The following PHACTR2 variants were observed in gnomAD, a reference collection of about 807,000 sequenced individuals.
PHACTR2 encodes the protein phosphatase and actin regulator 2, also known as chromosome 6 open reading frame 56.
PHACTR2 carries 30 observed loss-of-function variants against 76.0 expected under a neutral mutation model. The ratio of observed to expected loss-of-function variants is 0.39; its 90% confidence interval spans 0.30 to 0.54. The LOEUF is 0.54. PHACTR2 is among the 20% of genes least tolerant of loss of function. The probability of loss-of-function intolerance (pLI) is 0.61; values close to 1 mark genes in which losing one functional copy is unlikely to be tolerated. For synonymous variants in PHACTR2, 292 were observed against 292.5 expected (o/e 1.00, Z 0.02); for missense variants, 696 against 781.1 (o/e 0.89, Z 1.30).
At chr6:143,668,128 A>G (rs1777076824) in intron 1 of PHACTR2, among the ~76,000 whole-genome samples, 1 of 152,216 alleles carries the variant, frequency 6.6e-6, no homozygotes, top group Non-Finnish European at 1.5e-5. Flanking sequence ...ATCTATTGAG[A>G]TAATCATGTG....
At chr6:143,586,441 G>A (rs1775630202) in intron 1 of PHACTR2, among the ~76,000 whole-genome samples, 1 of 152,178 alleles carries the variant, frequency 6.6e-6, no homozygotes, top group African/African-American at 2.4e-5. Context: ...TTGATGCAGA[G>A]CAGGCAAGTC....
rs1037498395 is a variant in PHACTR2, at chr6:143,806,575, C to T, written c.1846-482C>T. 1.3e-5 allele frequency among the ~76,000 whole-genome samples: 2 copies of T among 152,194 alleles called. No individual in the cohort carries two copies. Among genetic ancestry groups the T allele is most frequent in the African/African-American group, 2.4e-5 (1 of 41,438 alleles). On this transcript the variant is annotated intron_variant, in intron 11 of 12. Coordinates refer to ENST00000440869, the MANE Select transcript of PHACTR2 (RefSeq NM_001100164.2). This position sits in a 1 kb window ranked among gnomAD's most constrained non-coding sequence, Gnocchi z 5.8. Reference sequence around the variant, plus strand: ...GATGAGTTTAGCAAAGGCCCGCTCCCACTCCCTCTTGCCAATGGCACTTGA... The same window carrying T: ...GATGAGTTTAGCAAAGGCCCGCTCCTACTCCCTCTTGCCAATGGCACTTGA...
chr6:143,568,856 T>C (rs931958462), intron 1 of PHACTR2, among the ~76,000 whole-genome samples: 3 of 152,220 alleles, frequency 2.0e-5, no homozygotes, highest in Admixed American at 2.0e-4. Context: ...TATTATTTAC[T>C]TTCCTCTTAT....
At position 143,571,354 on chromosome 6, in the gene PHACTR2, T is replaced by C. The variant is rs79372200; in HGVS notation, c.217+34147T>C. ...GCTATTTATTCATTCAGTTATTTAT[T>C]TGTATTAGTGTGGTCTCATGGATAT... On this transcript the variant is annotated intron_variant, in intron 1 of 11. Coordinates refer to the PHACTR2 transcript ENST00000367584. The surrounding 1 kb of genome is among the most constrained non-coding windows in gnomAD (Gnocchi z 4.6). 4.6e-4 allele frequency among the ~76,000 whole-genome samples: 70 copies of C among 152,364 alleles called. No homozygotes were observed. Among genetic ancestry groups the C allele is most frequent in the Non-Finnish European group, 8.1e-4 (55 of 68,046 alleles).
At chr6:143,682,403 A>G (rs546737443) in intron 1 of PHACTR2, among the ~76,000 whole-genome samples, 1 of 152,134 alleles carries the variant, frequency 6.6e-6, no homozygotes, top group East Asian at 1.9e-4. Context: ...GTTGGTAGAG[A>G]TGGGGTTTTC....
chr6:143,650,740 T>C (rs996509927), intron 1 of PHACTR2, among the ~76,000 whole-genome samples: 18 of 151,914 alleles, frequency 1.2e-4, no homozygotes, highest in African/African-American at 3.9e-4. Flanking sequence ...TAGAAGAAAG[T>C]CTAGGCAATA....
intron 11 of PHACTR2, among the ~76,000 whole-genome samples, chr6:143,797,930 T>C (rs1460897938): frequency 2.6e-5 from 4 of 152,218 alleles, no homozygotes; most frequent in African/African-American, 9.7e-5. Context: ...TCCAATTCTG[T>C]GAAGAAAGTC....
At position 143,776,608 on chromosome 6, in the gene PHACTR2, C is replaced by T. The variant is rs1775277773; in HGVS notation, c.1590-720C>T. Among the ~76,000 whole-genome samples the T allele has an allele frequency of 6.6e-6, 1 of 152,000 alleles. No individual in the cohort carries two copies. Among genetic ancestry groups the T allele is most frequent in the African/African-American group, 2.4e-5 (1 of 41,388 alleles). ...TGTGTAATGGGGGTCAGTGAGCAGC[C>T]TCAGCCATGATCTGTAGGCCCACAC... On this transcript the variant is annotated intron_variant, in intron 8 of 12. Transcript: ENST00000440869. This position sits in a 1 kb window ranked among gnomAD's most constrained non-coding sequence, Gnocchi z 5.3.
At position 143,816,666 on chromosome 6, in the gene PHACTR2, G is replaced by GGGCA. The variant is rs1776302474; in HGVS notation, c.1923-7007_1923-7004dup. Among the ~76,000 whole-genome samples, 2 of 151,810 alleles carry GGGCA rather than the reference G, an allele frequency of 1.3e-5. No homozygotes were observed. The highest frequency in any genetic ancestry group is 1.3e-4 in the Admixed American group (2 of 15,224). On this transcript the variant is annotated intron_variant, in intron 12 of 12. Coordinates refer to ENST00000440869, the MANE Select transcript of PHACTR2 (RefSeq NM_001100164.2). This position sits in a 1 kb window ranked among gnomAD's most constrained non-coding sequence, Gnocchi z 4.5. The stretch of plus-strand genomic sequence containing the variant: ...GAACTCACTGTGTACTGCGATCCAT[G>GGGCA]GGCAAATGGTGTGTGCAGGAAAAAA...
intron 2 of PHACTR2, among the ~76,000 whole-genome samples, chr6:143,724,421 C>T (rs1328645009): frequency 1.3e-5 from 2 of 152,168 alleles, no homozygotes; most frequent in Non-Finnish European, 2.9e-5. Flanking sequence ...CATGAGCCAC[C>T]GCGCCCAGCC....
rs1775166483 is a variant in PHACTR2, at chr6:143,772,153, A to G, written c.1233-105A>G. 3.9e-6 allele frequency: 3 copies of G among 761,948 alleles called. No homozygotes were observed. Among genetic ancestry groups the G allele is most frequent in the Non-Finnish European group, 7.0e-6 (3 of 429,794 alleles). The allele number at this position is 761,948 out of a possible 1,614,324, so 47.2% of individuals were successfully genotyped here. A position where few individuals can be genotyped will look rare whatever the true frequency, so the allele number is the denominator to read the frequency against. On this transcript the variant is annotated intron_variant, in intron 6 of 12. Coordinates refer to ENST00000440869, the MANE Select transcript of PHACTR2 (RefSeq NM_001100164.2). This position sits in a 1 kb window ranked among gnomAD's most constrained non-coding sequence, Gnocchi z 5.4. ...CCTATGTCAAGTGTCTGCTTTCCTC[A>G]GCCTGAAGGAAGCCCATGAAACTAG...
intron 10 of PHACTR2, among the ~76,000 whole-genome samples, chr6:143,788,525 T>A (rs1290398955): frequency 6.6e-6 from 1 of 152,178 alleles, no homozygotes; most frequent in Non-Finnish European, 1.5e-5. Flanking sequence ...GAAAATAGCA[T>A]AATGCAGGTG....
At position 143,789,961 on chromosome 6, in the gene PHACTR2, A is replaced by C. The variant is rs1020020598; in HGVS notation, c.1845+1051A>C. ...ATGTTTTAGGAAGAAGCAGCAGAAG[A>C]ATATTGAGAAGAAATGTCCGTGAAG... On this transcript the variant is annotated intron_variant, in intron 11 of 12. Coordinates refer to ENST00000440869, the MANE Select transcript of PHACTR2 (RefSeq NM_001100164.2). The surrounding 1 kb of genome is among the most constrained non-coding windows in gnomAD (Gnocchi z 5.1). Among the ~76,000 whole-genome samples, 1 of 152,202 alleles carries C rather than the reference A, an allele frequency of 6.6e-6. No individual in the cohort carries two copies. The highest frequency in any genetic ancestry group is 1.5e-5 in the Non-Finnish European group (1 of 68,044).
rs1171345450 is a variant in PHACTR2, at chr6:143,818,172, T to TTTTA, written c.1923-5502_1923-5501insTTTA. Among the ~76,000 whole-genome samples the TTTTA allele has an allele frequency of 1.3e-5, 2 of 152,214 alleles. No homozygotes were observed. The highest frequency in any genetic ancestry group is 2.9e-5 in the Non-Finnish European group (2 of 68,038). On this transcript the variant is annotated intron_variant, in intron 12 of 12. Transcript: ENST00000440869. The surrounding 1 kb of genome is among the most constrained non-coding windows in gnomAD (Gnocchi z 4.9). ...AAATTTAAATAAAATTTGATTAAAA[T>TTTTA]GGACAGAGGTAGAAATTCAGATGAT...
In PHACTR2 at chr6:143,624,605, G is replaced by T. The variant is rs901829407; in HGVS notation, c.13+16283G>T. On this transcript the variant is annotated intron_variant, in intron 1 of 11. Coordinates refer to the PHACTR2 transcript ENST00000305766. The surrounding 1 kb of genome is among the most constrained non-coding windows in gnomAD (Gnocchi z 4.6). ...TTGTGGGAAGCAGTTTATTTTCATG[G>T]TATGCGGCTTTTTTCACATGGCTAA... 6.6e-6 allele frequency among the ~76,000 whole-genome samples: 1 copy of T among 152,082 alleles called. No homozygotes were observed. The highest frequency in any genetic ancestry group is 2.4e-5 in the African/African-American group (1 of 41,418).
intron 2 of PHACTR2, among the ~76,000 whole-genome samples, chr6:143,744,246 G>C (rs932547659): frequency 4.6e-5 from 7 of 152,160 alleles, no homozygotes; most frequent in African/African-American, 9.7e-5. Flanking sequence ...TGTCGCTCAG[G>C]GTTTTGCCAC....
chr6:143,587,078 AG>A (rs1775638385), intron 1 of PHACTR2, among the ~76,000 whole-genome samples: 1 of 152,350 alleles, frequency 6.6e-6, no homozygotes, highest in African/African-American at 2.4e-5. Flanking sequence ...AAAAAGGTAC[AG>A]CTCACTACCA....
chr6:143,591,567 A>G lies in PHACTR2; in HGVS notation c.217+54360A>G, dbSNP rs957340791. 1.3e-5 allele frequency among the ~76,000 whole-genome samples: 2 copies of G among 152,198 alleles called. No individual in the cohort carries two copies. Among genetic ancestry groups the G allele is most frequent in the African/African-American group, 4.8e-5 (2 of 41,462 alleles). On this transcript the variant is annotated intron_variant, in intron 1 of 11. Transcript: ENST00000367584. The surrounding 1 kb of genome is among the most constrained non-coding windows in gnomAD (Gnocchi z 6.4). Reference sequence around the variant, plus strand: ...ACAGCCCAGAGAGGCCGCAGACCTGAGGCTGCTGTGAGTTCAGGAAGGAGG... The same window carrying G: ...ACAGCCCAGAGAGGCCGCAGACCTGGGGCTGCTGTGAGTTCAGGAAGGAGG...
intron 1 of PHACTR2, among the ~76,000 whole-genome samples, chr6:143,587,412 A>G (rs1334075215): frequency 6.6e-6 from 1 of 152,192 alleles, no homozygotes; most frequent in African/African-American, 2.4e-5. Flanking sequence ...AATGTTGTAA[A>G]TAGAATAATG....
Sources: allele counts gnomAD v4.1 joint callset (sites outside exome capture counted in the v4.1 genomes callset), GRCh38; gene constraint gnomAD v4.1.1; non-coding constraint Gnocchi (gnomAD v3.1); transcripts MANE v1.5; gene names NCBI Gene and HGNC (gene_info 2026-07-23, HGNC 2026-07-21).